Variants in DIAPH1 observed in about 807,000 individuals in gnomAD.
DIAPH1 encodes diaphanous related formin 1.
DIAPH1 carries 46 observed loss-of-function variants against 140.7 expected under a neutral mutation model. The ratio of observed to expected loss-of-function variants is 0.33; its 90% CI spans 0.26 to 0.42. DIAPH1 has a LOEUF of 0.42. Among genes scored for constraint, DIAPH1 ranks in the 10% least tolerant of loss-of-function variants. DIAPH1 has a pLI of 1.00. For missense variants in DIAPH1, 1,310 were observed against 1,558.7 expected (o/e 0.84, Z 2.69); for synonymous variants, 565 against 551.6 (o/e 1.02, Z -0.34).
intron 18 of DIAPH1, among the ~76,000 whole-genome samples, chr5:141,569,778 T>C (rs567847275): frequency 2.0e-5 from 3 of 151,354 alleles, no homozygotes; most frequent in Non-Finnish European, 4.4e-5. Context: ...AAAATAAAAA[T>C]AAAAAAAATA....
At chr5:141,601,081 A>G (rs991194312) in intron 1 of DIAPH1, among the ~76,000 whole-genome samples, 13 of 151,974 alleles carry the variant, frequency 8.6e-5, no homozygotes, top group Non-Finnish European at 1.9e-4. Flanking sequence ...CTGTTGTGGG[A>G]TGGGGGGAGA....
At chr5:141,572,293 T>A (rs1279283224) in intron 16 of DIAPH1, among the ~76,000 whole-genome samples, 1 of 152,214 alleles carries the variant, frequency 6.6e-6, no homozygotes, top group African/African-American at 2.4e-5. Flanking sequence ...CTCCAAATCC[T>A]CTAGCTTCAT....
Position 141,528,807 on chromosome 5 carries a change from C to G in DIAPH1, c.2913G>C (p.Glu971Asp). 1.2e-6 allele frequency: 2 copies of G among 1,614,240 alleles called. No homozygotes were observed. The highest frequency in any genetic ancestry group is 1.1e-5 in the South Asian group (1 of 91,082). Residue 971 changes from glutamate (E) to aspartate (D), a missense_variant, in exon 22 of 28, where the codon GAG becomes GAC. Physicochemically the swap from Glu to Asp is conservative, Grantham distance 45 (BLOSUM62 2). Transcript: ENST00000389054. Reference sequence around the variant, plus strand: ...TAATCTCTAGGAGATTGGAAAAGCTCTCACTCTTACGTAACTCCTCACATG... The same window carrying G: ...TAATCTCTAGGAGATTGGAAAAGCTGTCACTCTTACGTAACTCCTCACATG... ...TAACEELRKS[E>D]SFSNLLEITL...
chr5:141,526,265 A>G, intron 25 of DIAPH1, 32 bp downstream of exon 25: 3 of 1,614,196 alleles, frequency 1.9e-6, no homozygotes, highest in Non-Finnish European at 2.5e-6. Flanking sequence ...AATGCCCACA[A>G]AAGATTCAGT....
chr5:141,559,731 G>A (rs1340458761), intron 18 of DIAPH1, among the ~76,000 whole-genome samples: 1 of 152,130 alleles, frequency 6.6e-6, no homozygotes, highest in Non-Finnish European at 1.5e-5. Context: ...GGGAAGGACT[G>A]GAAGGACAGG....
At chr5:141,583,657 A>C in intron 4 of DIAPH1, 42 bp from the exon 5 acceptor site, 2 of 1,613,008 alleles carry the variant, frequency 1.2e-6, no homozygotes, top group Non-Finnish European at 1.7e-6. Flanking sequence ...TGGTGGACCC[A>C]GTCATAAATT....
intron 18 of DIAPH1, among the ~76,000 whole-genome samples, chr5:141,539,321 T>A (rs552294246): frequency 2.0e-5 from 3 of 151,996 alleles, no homozygotes; most frequent in Admixed American, 6.6e-5. Flanking sequence ...TTGGAAGAGT[T>A]TGCAAAGAAT....
chr5:141,517,008 G>T lies in DIAPH1; in HGVS notation c.3662C>A (p.Ala1221Asp). 6.2e-7 allele frequency: 1 copy of T among 1,614,170 alleles called. No individual in the cohort carries two copies. Among genetic ancestry groups the T allele is most frequent in the Non-Finnish European group, 8.5e-7 (1 of 1,180,016 alleles). The change falls in exon 28 of 28, where the codon GCC becomes GAC. Residue 1221 changes from alanine to aspartate, a missense_variant and splice_region_variant. Coordinates refer to ENST00000389054, the MANE Select transcript of DIAPH1 (RefSeq NM_005219.5). ...AFRRKRGPRQ[A>D]NRKAGCAVTS... Reference sequence around the variant, plus strand: ...GACTGCACACCCGGCCTTCCTGTTGGCTGCAAGAGAAGACGAGAGATTCTG... The same window carrying T: ...GACTGCACACCCGGCCTTCCTGTTGTCTGCAAGAGAAGACGAGAGATTCTG...
chr5:141,572,188 G>A (rs561426272), intron 16 of DIAPH1, 148 bp from the exon 17 acceptor site: 1 of 698,678 alleles, frequency 1.4e-6, no homozygotes, highest in East Asian at 2.7e-5. Context: ...CAGAATAGCT[G>A]CAGTGGGATT....
rs1472364416 is a variant in DIAPH1, at chr5:141,565,138, G to A, written c.2482+6290C>T. ...ATTATATGACAGAATACAACTATCA[G>A]AAATAATGACACAAATCTATATGTA... On this transcript the variant is annotated intron_variant, in intron 18 of 27. Transcript: ENST00000389054. The surrounding 1 kb of genome is among the most constrained non-coding windows in gnomAD (Gnocchi z 4.3). The A allele has an allele frequency of 6.6e-6, 1 of 152,086 alleles. No homozygotes were observed. The highest frequency in any genetic ancestry group is 6.5e-5 in the Admixed American group (1 of 15,268). The allele number at this position is 152,086 out of a possible 1,614,324, so 9.4% of individuals were successfully genotyped here.
chr5:141,593,810 A>C (rs559846370), intron 1 of DIAPH1, among the ~76,000 whole-genome samples: 1 of 152,324 alleles, frequency 6.6e-6, no homozygotes, highest in Non-Finnish European at 1.5e-5. Flanking sequence ...GATGTGGAGC[A>C]AGAACTTTCT....
In DIAPH1 at chr5:141,573,887, G is replaced by T. The variant is rs201827139; in HGVS notation, c.1963C>A (p.Pro655Thr). 8.4e-6 allele frequency: 13 copies of T among 1,545,590 alleles called. No homozygotes were observed. Among genetic ancestry groups the T allele is most frequent in the Non-Finnish European group, 1.0e-5 (12 of 1,144,786 alleles). Residue 655 changes from proline to threonine, a missense_variant, in exon 16 of 28, where the codon CCT becomes ACT. Pro to Thr is a conservative substitution (Grantham distance 38). Coordinates refer to ENST00000389054, the MANE Select transcript of DIAPH1 (RefSeq NM_005219.5). Reference protein sequence around the residue: ...LSGDATIPPPPPLPEGVGIPS... With the variant: ...LSGDATIPPPTPLPEGVGIPS... Reference sequence around the variant, plus strand: ...ATGCCAACACCCTCAGGCAAAGGAGGGGGTGGAGGGATGGTAGCATCCCCA... The same window carrying T: ...ATGCCAACACCCTCAGGCAAAGGAGTGGGTGGAGGGATGGTAGCATCCCCA...
In DIAPH1 at chr5:141,584,131, G is replaced by T; in HGVS notation, c.395C>A (p.Ser132Tyr). Residue 132 changes from serine (S) to tyrosine (Y), a missense_variant, in exon 4 of 28, where the codon TCC becomes TAC. Ser to Tyr is a moderately radical substitution (Grantham distance 144, BLOSUM62 -2). Around this residue, in one of 3 missense-constraint regions of DIAPH1, gnomAD observed 377 missense variants for 497.1 expected, o/e 0.76. Coordinates refer to ENST00000389054, the MANE Select transcript of DIAPH1 (RefSeq NM_005219.5). ...REMVSQYLYTSKAGMSQKESS... is the reference protein window; with the variant it reads ...REMVSQYLYTYKAGMSQKESS... Reference sequence around the variant, plus strand: ...ACCTGTCCCAGGACTCACAGCCTTGGAGGTGTACAAGTATTGGGACACCAT... The same window carrying T: ...ACCTGTCCCAGGACTCACAGCCTTGTAGGTGTACAAGTATTGGGACACCAT... 11 of 1,604,410 alleles carry T rather than the reference G, an allele frequency of 6.9e-6. No homozygotes were observed. Among genetic ancestry groups the T allele is most frequent in the Non-Finnish European group, 9.4e-6 (11 of 1,171,468 alleles).
rs2099894281 is a variant in DIAPH1 at position 141,565,833 on chromosome 5, A to C, written c.2482+5595T>G. ...AAGATCAGCCAGTGAGTTAGCAGGA[A>C]AAGTAAGTGTTTCCTGTCCTGAAAG... On this transcript the variant is annotated intron_variant, in intron 18 of 27. Transcript: ENST00000389054. The surrounding 1 kb of genome is among the most constrained non-coding windows in gnomAD (Gnocchi z 4.3). Among the ~76,000 whole-genome samples, 1 of 152,202 alleles carries C rather than the reference A, an allele frequency of 6.6e-6. No individual in the cohort carries two copies.
chr5:141,609,586 A>C lies in DIAPH1; in HGVS notation c.117+9212T>G, dbSNP rs942771297. On this transcript the variant is annotated intron_variant, in intron 1 of 27. Coordinates refer to ENST00000389054, the MANE Select transcript of DIAPH1 (RefSeq NM_005219.5). ...TTTTATAAGGTCAATGTAGAGATTA[A>C]TGAGATAATAAATCTAAGGCTCTTT... Among the ~76,000 whole-genome samples the C allele has an allele frequency of 2.0e-5, 3 of 152,222 alleles. No individual in the cohort carries two copies. In the East Asian group the frequency reaches 5.8e-4, roughly 29 times the overall value.
Position 141,547,505 on chromosome 5 carries a change from C to T in DIAPH1, c.2483-13072G>A, listed in dbSNP as rs867082129. On this transcript the variant is annotated intron_variant, in intron 18 of 27. Transcript: ENST00000389054. Reference sequence around the variant, plus strand: ...TAAAAAATAAAAATCTATGAATATTCTACAACTAAAAAATATTAATATAAT... The same window carrying T: ...TAAAAAATAAAAATCTATGAATATTTTACAACTAAAAAATATTAATATAAT... Among the ~76,000 whole-genome samples the T allele has an allele frequency of 5.3e-5, 8 of 151,994 alleles. No individual in the cohort carries two copies. The South Asian group carries it at 8.3e-4, about 16-fold the overall frequency.
intron 1 of DIAPH1, among the ~76,000 whole-genome samples, chr5:141,601,798 A>C (rs998180991): frequency 6.6e-6 from 1 of 152,230 alleles, no homozygotes; most frequent in Non-Finnish European, 1.5e-5. Flanking sequence ...GAGAAAAGTA[A>C]GGAAAAGTTT....
At chr5:141,558,935 ACT>A (rs755614700) in intron 18 of DIAPH1, among the ~76,000 whole-genome samples, 2,030 of 140,884 alleles carry the variant, frequency 0.014, 69 homozygotes, top group Admixed American at 0.079. Context: ...AAAAAAAAAG[ACT>A]CTGGCATCAC....
intron 7 of DIAPH1, chr5:141,582,073 A>AAG (rs2099896855): frequency 2.6e-6 from 1 of 384,310 alleles, no homozygotes; most frequent in Non-Finnish European, 4.7e-6. Context: ...AAAAAAAAAA[A>AAG]AAAAAAAAAA....
Sources: allele counts gnomAD v4.1 joint callset (sites outside exome capture counted in the v4.1 genomes callset), GRCh38; gene constraint gnomAD v4.1.1; regional missense constraint gnomAD v4.1.1; non-coding constraint Gnocchi (gnomAD v3.1); transcripts MANE v1.5; gene names NCBI Gene and HGNC (gene_info 2026-07-23, HGNC 2026-07-21).